The following KLHDC10 variants were observed in gnomAD, a reference collection of about 807,000 sequenced individuals.
KLHDC10 encodes the protein kelch domain-containing protein 10.
A neutral mutation model predicts 56.1 loss-of-function variants in KLHDC10; 24 were observed. That is an observed-to-expected ratio of 0.43 (90% CI 0.31 to 0.60). The LOEUF (loss-of-function observed/expected upper bound fraction) is 0.60. KLHDC10 is among the 20% of genes least tolerant of loss of function. The probability of loss-of-function intolerance (pLI) is 0.11; values close to 1 mark genes in which losing one functional copy is unlikely to be tolerated. For synonymous variants in KLHDC10, 188 were observed against 207.1 expected (o/e 0.91, Z 0.79); for missense variants, 349 against 567.0 (o/e 0.62, Z 3.91).
intron 2 of KLHDC10, among the ~76,000 whole-genome samples, chr7:130,111,251 A>G (rs1262466369): frequency 1.3e-5 from 2 of 152,252 alleles, no homozygotes; most frequent in African/African-American, 4.8e-5. Context: ...TATTCGAAAC[A>G]AATGACAATA....
chr7:130,124,280 C>A (rs570077253), intron 5 of KLHDC10, among the ~76,000 whole-genome samples, 171 bp from the exon 6 acceptor site: 1 of 152,094 alleles, frequency 6.6e-6, no homozygotes, highest in African/African-American at 2.4e-5. Flanking sequence ...TATACTAATC[C>A]ATTTTATGTA....
At chr7:130,096,856 G>A (rs1201718140) in intron 1 of KLHDC10, 65 bp from the exon 2 acceptor site, 7 of 1,115,932 alleles carry the variant, frequency 6.3e-6, no homozygotes, top group African/African-American at 4.6e-5. Flanking sequence ...TATAACTACA[G>A]TAACTATGTA....
At chr7:130,087,164 C>T (rs1795702785) in intron 1 of KLHDC10, among the ~76,000 whole-genome samples, 1 of 152,220 alleles carries the variant, frequency 6.6e-6, no homozygotes, top group African/African-American at 2.4e-5. Context: ...CTCCCCTCTG[C>T]TTCCTGTCCT....
chr7:130,131,703 C>T lies in KLHDC10; in HGVS notation c.*957C>T, dbSNP rs1796403794. 6.6e-6 allele frequency: 1 copy of T among 152,172 alleles called. No homozygotes were observed. Among genetic ancestry groups the T allele is most frequent in the Admixed American group, 6.5e-5 (1 of 15,280 alleles). 9.4% of individuals were successfully genotyped at this position (152,172 alleles called of 1,614,324 possible). A position where few individuals can be genotyped will look rare whatever the true frequency, so the allele number is the denominator to read the frequency against. ...CCAGAGAAGAGCCAGGCAGAGAAAA[C>T]CTGCATCCTCTGGGCTTGTTAACTT... On this transcript the variant is annotated 3_prime_UTR_variant, in exon 10 of 10. Coordinates refer to ENST00000335420, the MANE Select transcript of KLHDC10 (RefSeq NM_014997.4).
intron 2 of KLHDC10, among the ~76,000 whole-genome samples, chr7:130,102,451 A>T (rs2116878699): frequency 6.6e-6 from 1 of 152,360 alleles, no homozygotes; most frequent in East Asian, 1.9e-4. Flanking sequence ...GAACAAGTGG[A>T]GTGGAACTTG....
chr7:130,093,716 T>C (rs1311124662), intron 1 of KLHDC10, among the ~76,000 whole-genome samples: 2 of 152,208 alleles, frequency 1.3e-5, no homozygotes, highest in Non-Finnish European at 2.9e-5. Context: ...TGCTGGTTTC[T>C]CTTTTTTCTG....
rs1382759768 is a variant in KLHDC10, at chr7:130,070,701, G to T, written c.58G>T (p.Ala20Ser). Residue 20 changes from alanine (A) to serine (S), a missense_variant, in exon 1 of 10, where the codon GCT (alanine) becomes TCT (serine). Ala to Ser is a moderately conservative substitution (Grantham distance 99). Coordinates refer to ENST00000335420, the MANE Select transcript of KLHDC10 (RefSeq NM_014997.4). ...CCGGAGGGGAGGAGGCGCCGCCGGC[G>T]CTGGTGGCGGAGGTAGCGGGGCCGG... ...NRRRGGGAAGAGGGGSGAGGG... is the reference protein window; with the variant it reads ...NRRRGGGAAGSGGGGSGAGGG... The T allele has an allele frequency of 7.7e-7, 1 of 1,297,350 alleles. No homozygotes were observed. Among genetic ancestry groups the T allele is most frequent in the Non-Finnish European group, 9.8e-7 (1 of 1,018,566 alleles). The allele number at this position is 1,297,350 out of a possible 1,614,324, so 80.4% of individuals were successfully genotyped here.
At chr7:130,090,035 C>A (rs1795749709) in intron 1 of KLHDC10, among the ~76,000 whole-genome samples, 1 of 152,094 alleles carries the variant, frequency 6.6e-6, no homozygotes, top group Non-Finnish European at 1.5e-5. Context: ...GCATGCACCA[C>A]CACGCCTGGC....
At chr7:130,086,426 G>A (rs141220388) in intron 1 of KLHDC10, among the ~76,000 whole-genome samples, 3 of 152,128 alleles carry the variant, frequency 2.0e-5, no homozygotes, top group South Asian at 2.1e-4. Flanking sequence ...AAATCAAATC[G>A]TATGCAAGAG....
At chr7:130,109,988 C>A (rs1796078589) in intron 2 of KLHDC10, among the ~76,000 whole-genome samples, 1 of 152,138 alleles carries the variant, frequency 6.6e-6, no homozygotes, top group Non-Finnish European at 1.5e-5. Flanking sequence ...GTGTTACATT[C>A]TGTTGTCATG....
Position 130,116,391 on chromosome 7 carries a change from T to G in KLHDC10, c.254-54T>G. ...TAAAATGGTTGTTACCTAATTTTGT[T>G]TGTGCTTTTAAACTGGTAGGACACC... On this transcript the variant is annotated intron_variant, in intron 2 of 9. Transcript: ENST00000335420. This position sits in a 1 kb window ranked among gnomAD's most constrained non-coding sequence, Gnocchi z 4.8. The G allele has an allele frequency of 7.1e-7, 1 of 1,404,856 alleles. No individual in the cohort carries two copies. Among genetic ancestry groups the G allele is most frequent in the Non-Finnish European group, 9.9e-7 (1 of 1,007,294 alleles). 87.0% of individuals were successfully genotyped at this position (1,404,856 alleles called of 1,614,324 possible).
chr7:130,117,849 C>CAAAAA (rs60800057), intron 3 of KLHDC10, among the ~76,000 whole-genome samples: 33 of 73,102 alleles, frequency 4.5e-4, no homozygotes, highest in Non-Finnish European at 5.9e-4. Context: ...GACCCTGTCT[C>CAAAAA]AAAAAAAAAA....
In KLHDC10 at chr7:130,120,889, C is replaced by T. The variant is rs997564160; in HGVS notation, c.616C>T (p.Arg206Cys). The T allele has an allele frequency of 3.1e-6, 5 of 1,613,692 alleles. No individual in the cohort carries two copies. The highest frequency in any genetic ancestry group is 2.2e-5 in the East Asian group (1 of 44,878). ...CAGCTGTCGGGGGAAGAAACCCAGT[C>T]GTATATATGGACAGGTACCAATCTG... ...LLSCRGKKPS[R>C]IYGQAMAIIN... Residue 206 changes from arginine to cysteine, a missense_variant, in exon 4 of 10, where the codon CGT (arginine) becomes TGT (cysteine). Arg to Cys is a radical substitution (Grantham distance 180). Transcript: ENST00000335420. This position sits in a 1 kb window ranked among gnomAD's most constrained non-coding sequence, Gnocchi z 5.1.
chr7:130,089,348 A>G (rs1225578819), intron 1 of KLHDC10, among the ~76,000 whole-genome samples: 1 of 152,048 alleles, frequency 6.6e-6, no homozygotes, highest in Non-Finnish European at 1.5e-5. Context: ...TTGTCTCCCT[A>G]TTGGGAGACA....
At chr7:130,119,843 T>TAAAA (rs72549928) in intron 3 of KLHDC10, among the ~76,000 whole-genome samples, 3 of 76,946 alleles carry the variant, frequency 3.9e-5, no homozygotes, top group Non-Finnish European at 5.1e-5. Flanking sequence ...GACTCCGTCT[T>TAAAA]AAAAAAAAAA....
At chr7:130,071,892 G>A (rs557222448) in intron 1 of KLHDC10, among the ~76,000 whole-genome samples, 254 of 152,278 alleles carry the variant, frequency 1.7e-3, no homozygotes, top group Admixed American at 4.8e-3. Flanking sequence ...TTAAATTGAA[G>A]ATGACAAAGG....
chr7:130,091,297 C>T (rs956145356), intron 1 of KLHDC10, among the ~76,000 whole-genome samples: 1 of 152,166 alleles, frequency 6.6e-6, no homozygotes, highest in African/African-American at 2.4e-5. Context: ...ATTTTACATT[C>T]CTCCCAGCAA....
intron 1 of KLHDC10, among the ~76,000 whole-genome samples, chr7:130,088,629 TTTTCTTTCTTTC>T (rs538858281): frequency 3.3e-4 from 50 of 151,048 alleles, no homozygotes; most frequent in African/African-American, 1.2e-3. Context: ...TTGTTTTTCT[TTTTCTTTCTTTC>T]TTTCTTTCTT....
In KLHDC10 at chr7:130,116,688, C is replaced by G. The variant is rs1419665370; in HGVS notation, c.475+22C>G. Reference sequence around the variant, plus strand: ...TCACGTGAGTGCAAGCAGTTCGTAACTCCTGACTTTATGAAATGTCTGAGA... The same window carrying G: ...TCACGTGAGTGCAAGCAGTTCGTAAGTCCTGACTTTATGAAATGTCTGAGA... On this transcript the variant is annotated intron_variant, in intron 3 of 9. Coordinates refer to ENST00000335420, the MANE Select transcript of KLHDC10 (RefSeq NM_014997.4). The surrounding 1 kb of genome is among the most constrained non-coding windows in gnomAD (Gnocchi z 4.8). The G allele has an allele frequency of 1.3e-6, 2 of 1,570,584 alleles. No homozygotes were observed. Among genetic ancestry groups the G allele is most frequent in the Non-Finnish European group, 1.8e-6 (2 of 1,140,956 alleles).
Sources: allele counts gnomAD v4.1 joint callset (sites outside exome capture counted in the v4.1 genomes callset), GRCh38; gene constraint gnomAD v4.1.1; non-coding constraint Gnocchi (gnomAD v3.1); transcripts MANE v1.5; gene names NCBI Gene and HGNC (gene_info 2026-07-23, HGNC 2026-07-21).